MED13L: variants seen among roughly 807,000 people sequenced by gnomAD.
The protein encoded by MED13L is mediator of RNA polymerase II transcription subunit 13-like.
Under a neutral mutation model 220.9 loss-of-function variants are expected in MED13L, and 7 were observed. That is an observed-to-expected ratio of 0.03 (90% confidence interval 0.02 to 0.06). The LOEUF (loss-of-function observed/expected upper bound fraction) is 0.06, where lower values mean the gene tolerates loss of function less well. Among genes scored for constraint, MED13L ranks in the 10% least tolerant of loss-of-function variants. The probability of loss-of-function intolerance (pLI) is 1.00; values close to 1 mark genes in which losing one functional copy is unlikely to be tolerated. For synonymous variants in MED13L, 1,011 were observed against 1,015.2 expected (o/e 1.00, Z 0.08); for missense variants, 1,965 against 2,760.5 (o/e 0.71, Z 6.46).
chr12:116,184,083 A>G (rs1880721544), intron 2 of MED13L, among the ~76,000 whole-genome samples: 1 of 152,172 alleles, frequency 6.6e-6, no homozygotes, highest in Non-Finnish European at 1.5e-5. Context: ...TCAGTGGTGA[A>G]TCCAATGAAC....
intron 2 of MED13L, among the ~76,000 whole-genome samples, chr12:116,198,263 T>A (rs191999044): frequency 6.6e-6 from 1 of 152,316 alleles, no homozygotes; most frequent in Non-Finnish European, 1.5e-5. Context: ...GTCCTCACCC[T>A]ACCTTTTTCT....
intron 2 of MED13L, among the ~76,000 whole-genome samples, chr12:116,156,613 A>G (rs548935916): frequency 8.1e-4 from 124 of 152,290 alleles, no homozygotes; most frequent in Non-Finnish European, 1.6e-3. Flanking sequence ...AAGTTTTAAA[A>G]GAAAATGTTT....
intron 4 of MED13L, among the ~76,000 whole-genome samples, chr12:116,063,157 A>G (rs939944627): frequency 6.6e-6 from 1 of 152,192 alleles, no homozygotes; most frequent in Non-Finnish European, 1.5e-5. Flanking sequence ...AGTCTCATCC[A>G]TAAGAGCAAG....
chr12:116,197,659 G>A (rs747961245), intron 2 of MED13L, among the ~76,000 whole-genome samples: 3 of 151,970 alleles, frequency 2.0e-5, no homozygotes, highest in Non-Finnish European at 2.9e-5. Flanking sequence ...TCAGCTACTC[G>A]GGAGGCTGAG....
intron 2 of MED13L, among the ~76,000 whole-genome samples, chr12:116,112,664 T>C (rs1206755442): frequency 6.6e-6 from 1 of 152,218 alleles, no homozygotes; most frequent in Admixed American, 6.5e-5. Flanking sequence ...ATGATATTTA[T>C]AGCAAGAGAA....
chr12:116,012,733 G>C (rs1198201060), intron 9 of MED13L, 64 bp downstream of exon 9: 1 of 1,125,200 alleles, frequency 8.9e-7, no homozygotes, highest in African/African-American at 1.5e-5. Context: ...GTGAGGCCAG[G>C]AGATGAATCA....
intron 16 of MED13L, among the ~76,000 whole-genome samples, chr12:115,994,588 T>C (rs1878278326): frequency 6.6e-6 from 1 of 152,226 alleles, no homozygotes; most frequent in Admixed American, 6.5e-5. Flanking sequence ...AATAATGACC[T>C]AAATGATTTA....
intron 2 of MED13L, among the ~76,000 whole-genome samples, chr12:116,228,791 T>C (rs573636394): frequency 5.5e-4 from 84 of 152,348 alleles, no homozygotes; most frequent in Non-Finnish European, 1.1e-3. Context: ...CCCTAAATTC[T>C]ACCAATATTT....
chr12:116,260,957 T>C (rs1872470769), intron 1 of MED13L, among the ~76,000 whole-genome samples: 1 of 152,190 alleles, frequency 6.6e-6, no homozygotes, highest in Non-Finnish European at 1.5e-5. Flanking sequence ...CCAACTGCTG[T>C]TAGGTTACCC....
intron 2 of MED13L, among the ~76,000 whole-genome samples, chr12:116,142,163 G>A (rs1877133234): frequency 6.6e-6 from 1 of 151,902 alleles, no homozygotes. Context: ...TTTTCTCCAT[G>A]TCACTAATCA....
At chr12:116,154,143 A>G (rs1255116192) in intron 2 of MED13L, among the ~76,000 whole-genome samples, 1 of 152,188 alleles carries the variant, frequency 6.6e-6, no homozygotes, top group Non-Finnish European at 1.5e-5. Context: ...CCTCACACTC[A>G]ATGAAGCATT....
intron 2 of MED13L, among the ~76,000 whole-genome samples, chr12:116,191,103 A>AAAAAAG (rs1555221263): frequency 2.2e-4 from 34 of 151,122 alleles, no homozygotes; most frequent in African/African-American, 8.3e-4. Context: ...AAAAAAAAAA[A>AAAAAAG]AAAAGAAAAG....
intron 14 of MED13L, among the ~76,000 whole-genome samples, chr12:115,997,927 A>T (rs932974381): frequency 2.0e-5 from 3 of 152,228 alleles, no homozygotes; most frequent in Non-Finnish European, 4.4e-5. Context: ...TGTATAAAAT[A>T]TTACAAAAAA....
chr12:116,108,390 A>ATG (rs1555212071), intron 3 of MED13L, among the ~76,000 whole-genome samples: 1 of 41,248 alleles, frequency 2.4e-5, no homozygotes, highest in Non-Finnish European at 4.4e-5. Flanking sequence ...TTTAAAAGAA[A>ATG]GGGGGGGGGG....
chr12:116,266,516 C>T (rs184105616), intron 1 of MED13L, among the ~76,000 whole-genome samples: 1 of 152,268 alleles, frequency 6.6e-6, no homozygotes, highest in East Asian at 1.9e-4. Context: ...CTATAGCTCC[C>T]GCTCTGACTG....
rs528001268 is a variant in MED13L at position 116,084,931 on chromosome 12, T to A, written c.479+11738A>T. ...CCTCCTATATATGTAGTCATTTTTT[T>A]AAAATCTCAGTTAACATGGACATAC... On this transcript the variant is annotated intron_variant, in intron 4 of 30. Coordinates refer to ENST00000281928, the MANE Select transcript of MED13L (RefSeq NM_015335.5). Among the ~76,000 whole-genome samples, 9 of 152,312 alleles carry A rather than the reference T, an allele frequency of 5.9e-5. No individual in the cohort carries two copies. The East Asian group carries it at 9.6e-4, about 16-fold the overall frequency.
chr12:116,245,232 G>A (rs1593203899), intron 1 of MED13L, among the ~76,000 whole-genome samples: 2 of 152,070 alleles, frequency 1.3e-5, no homozygotes, highest in Admixed American at 1.3e-4. Context: ...CAGAAAACTA[G>A]CAGCCAGTCT....
chr12:116,135,368 C>T (rs900705371), intron 2 of MED13L, among the ~76,000 whole-genome samples: 1 of 152,190 alleles, frequency 6.6e-6, no homozygotes, highest in Non-Finnish European at 1.5e-5. Flanking sequence ...CTCCAGTCAA[C>T]AATCCTAGCT....
In MED13L at chr12:115,997,073, T is replaced by G. The variant is rs1213272853; in HGVS notation, c.2727A>C (p.Gln909His). 6.2e-7 allele frequency: 1 copy of G among 1,613,984 alleles called. No homozygotes were observed. Among genetic ancestry groups the G allele is most frequent in the Non-Finnish European group, 8.5e-7 (1 of 1,180,006 alleles). ...ESPMVSMVST[Q>H]LTEFKMEVED... is the part of the protein sequence containing the mutation. ...CCACTTCCATTTTGAATTCTGTGAG[T>G]TGTGTTGAAACCATACTGACCATAG... is the stretch of plus-strand genomic sequence containing the variant. The change falls in exon 15 of 31, where the codon CAA becomes CAC. Residue 909 changes from glutamine to histidine, a missense_variant. Gln to His is a conservative substitution (Grantham distance 24). Coordinates refer to ENST00000281928, the MANE Select transcript of MED13L (RefSeq NM_015335.5).
Sources: gnomAD v4.1 joint callset for allele counts (sites outside exome capture counted in the v4.1 genomes callset) on GRCh38, gnomAD v4.1.1 for gene constraint, MANE v1.5 for transcripts, NCBI Gene and HGNC (gene_info 2026-07-23, HGNC 2026-07-21) for gene names.